The following CAPN3 variants were observed in gnomAD, a reference collection of about 807,000 sequenced individuals.
CAPN3 encodes calpain 3.
Under a neutral mutation model 114.0 loss-of-function variants are expected in CAPN3, and 88 were observed. That is an observed-to-expected ratio of 0.77 (90% CI 0.65 to 0.92). The LOEUF (loss-of-function observed/expected upper bound fraction) is 0.92, where lower values mean the gene tolerates loss of function less well. CAPN3 is among the 40% of genes least tolerant of loss of function. The pLI is 0.00. For synonymous variants in CAPN3, 386 were observed against 382.9 expected (o/e 1.01, Z -0.09); for missense variants, 1,028 against 1,069.0 (o/e 0.96, Z 0.53).
intron 10 of CAPN3, among the ~76,000 whole-genome samples, chr15:42,401,371 G>T (rs1422610426): frequency 6.6e-6 from 1 of 151,302 alleles, no homozygotes; most frequent in African/African-American, 2.4e-5. Context: ...TAAGGGGCAG[G>T]TAAGGAAAAC....
rs1414556644 is a variant in CAPN3 at position 42,402,884 on chromosome 15, G to A, written c.1627G>A (p.Val543Met). The change falls in exon 13 of 24, where the codon GTG (valine) becomes ATG (methionine). Residue 543 changes from valine to methionine, a missense_variant. Transcript: ENST00000397163. ...CAAAACCTACATCAACATGCGGGAG[G>A]TGTCCCAGCGCTTCCGCCTGCCTCC... Reference protein sequence around the residue: ...RSKTYINMREVSQRFRLPPSE... With the variant: ...RSKTYINMREMSQRFRLPPSE... 6.2e-7 allele frequency: 1 copy of A among 1,614,022 alleles called. No individual in the cohort carries two copies. The highest frequency in any genetic ancestry group is 8.5e-7 in the Non-Finnish European group (1 of 1,180,006).
At chr15:42,409,175 C>G (rs978429466) in intron 16 of CAPN3, 128 bp from the exon 17 acceptor site, 1 of 780,586 alleles carries the variant, frequency 1.3e-6, no homozygotes, top group Non-Finnish European at 2.2e-6. Context: ...CTGCATTTGC[C>G]CGTCCCCAGC....
chr15:42,397,175 C>T (rs1298559261), intron 9 of CAPN3, among the ~76,000 whole-genome samples: 1 of 152,198 alleles, frequency 6.6e-6, no homozygotes, highest in African/African-American at 2.4e-5. Context: ...CTTTTCTGAG[C>T]CTAGGAAGCT....
rs863224965 is a variant in CAPN3 at position 42,388,934 on chromosome 15, TGGTTCCTACGAAGCTCTGAAA to T, written c.643_663del (p.Ser215_Gly221del). On this transcript the variant is annotated inframe_deletion, in exon 5 of 24. Coordinates refer to ENST00000397163, the MANE Select transcript of CAPN3 (RefSeq NM_000070.3). ...TCTTCATCCTCTCTCTAAGGCTCCA[TGGTTCCTACGAAGCTCTGAAA>T]GGTGGGAACACCACAGAGGCCATGG... is the stretch of plus-strand genomic sequence containing the variant. 19 of 1,613,852 alleles carry T rather than the reference TGGTTCCTACGAAGCTCTGAAA, an allele frequency of 1.2e-5. No individual in the cohort carries two copies. Among genetic ancestry groups the T allele is most frequent in the Admixed American group, 1.7e-5 (1 of 59,996 alleles).
In CAPN3 at chr15:42,389,050, TGAA is replaced by T. The variant is rs794727697; in HGVS notation, c.759_761del (p.Lys254del). ...GCTCCTAGTGACATGTACAAGATCA[TGAA>T]GAAAGCCATCGAGAGAGGCTCCCTC... On this transcript the variant is annotated inframe_deletion, in exon 5 of 24. Transcript: ENST00000397163. The T allele has an allele frequency of 6.2e-5, 100 of 1,613,988 alleles. No homozygotes were observed. Among genetic ancestry groups the T allele is most frequent in the Non-Finnish European group, 7.7e-5 (91 of 1,180,024 alleles).
intron 6 of CAPN3, among the ~76,000 whole-genome samples, chr15:42,390,796 T>G (rs565177380): frequency 6.6e-5 from 10 of 150,396 alleles, no homozygotes; most frequent in East Asian, 3.9e-4. Context: ...TTTTGTTTTT[T>G]TTTTTTTTTT....
intron 1 of CAPN3, among the ~76,000 whole-genome samples, chr15:42,378,402 A>G (rs2053147841): frequency 6.6e-6 from 1 of 152,236 alleles, no homozygotes; most frequent in African/African-American, 2.4e-5. Context: ...ACTTTATGCA[A>G]ACCTCTAGGC....
chr15:42,400,499 G>A (rs1037322532), intron 10 of CAPN3, among the ~76,000 whole-genome samples: 1 of 152,046 alleles, frequency 6.6e-6, no homozygotes, highest in African/African-American at 2.4e-5. Context: ...GGGAGGCAGA[G>A]CCAGGAGGAT....
intron 7 of CAPN3, 105 bp from the exon 8 acceptor site, chr15:42,394,151 C>T (rs1434679763): frequency 4.9e-6 from 5 of 1,025,302 alleles, no homozygotes; most frequent in Non-Finnish European, 7.5e-6. Flanking sequence ...AGAACACCCT[C>T]GCGTAAGAGA....
In CAPN3 at chr15:42,394,253, A is replaced by C. The variant is rs1369262342; in HGVS notation, c.1030-3A>C. 2 of 1,555,352 alleles carry C rather than the reference A, an allele frequency of 1.3e-6. No individual in the cohort carries two copies. The highest frequency in any genetic ancestry group is 1.9e-5 in the Admixed American group (1 of 51,378). On this transcript the variant is annotated splice_polypyrimidine_tract_variant and splice_region_variant and intron_variant, in intron 7 of 23. Transcript: ENST00000397163. ...GCATGAGAGCTCTTTCTGTGTGCTT[A>C]AGGTCCCGTTCAAAGGTGAGAAAGT...
chr15:42,397,861 A>C (rs2053746072), intron 9 of CAPN3, among the ~76,000 whole-genome samples: 1 of 151,896 alleles, frequency 6.6e-6, no homozygotes, highest in Admixed American at 6.6e-5. Context: ...AACTCTACAA[A>C]AAATTTTAAA....
chr15:42,410,678 G>T lies in CAPN3; in HGVS notation c.2263+12G>T, dbSNP rs747720461. 1.9e-6 allele frequency: 3 copies of T among 1,611,104 alleles called. No homozygotes were observed. Among genetic ancestry groups the T allele is most frequent in the Non-Finnish European group, 2.5e-6 (3 of 1,177,592 alleles). On this transcript the variant is annotated intron_variant, in intron 21 of 23. Transcript: ENST00000397163. ...AGTCAACGACGCAGGTGCTGAGAAG[G>T]AAGGGGTGGCAGGGATGTGGACCCG...
chr15:42,410,548 T>G lies in CAPN3; in HGVS notation c.2185-40T>G, dbSNP rs780488403. The G allele has an allele frequency of 1.7e-5, 28 of 1,611,466 alleles. No individual in the cohort carries two copies. The South Asian group carries it at 2.9e-4, about 16-fold the overall frequency. On this transcript the variant is annotated intron_variant, in intron 20 of 23. Transcript: ENST00000397163. Reference sequence around the variant, plus strand: ...GTCAAGAATGGGGTTGATTTGGAGATTCAGTGTGTGACCTCCATCCTCAAA... The same window carrying G: ...GTCAAGAATGGGGTTGATTTGGAGAGTCAGTGTGTGACCTCCATCCTCAAA...
chr15:42,387,923 G>A (rs1271963121), intron 4 of CAPN3, 37 bp downstream of exon 4: 1 of 1,614,010 alleles, frequency 6.2e-7, no homozygotes, highest in Non-Finnish European at 8.5e-7. Flanking sequence ...GGGGCTAGAG[G>A]TGAGAAAGTG....
chr15:42,409,321 G>T lies in CAPN3; in HGVS notation c.1933G>T (p.Asp645Tyr). Residue 645 changes from aspartate (D) to tyrosine (Y), a missense_variant, in exon 17 of 24, where the codon GAT (aspartate) becomes TAT (tyrosine). Asp to Tyr is a radical substitution (Grantham distance 160). Coordinates refer to ENST00000397163, the MANE Select transcript of CAPN3 (RefSeq NM_000070.3). ...QSPQPQPGSS[D>Y]QESEEQQQFR... Reference sequence around the variant, plus strand: ...TCCACAGCCACAGCCTGGCAGCTCTGATCAGGAAAGTGAGGAACAGCAACA... The same window carrying T: ...TCCACAGCCACAGCCTGGCAGCTCTTATCAGGAAAGTGAGGAACAGCAACA... 3 of 1,614,178 alleles carry T rather than the reference G, an allele frequency of 1.9e-6. No homozygotes were observed. The highest frequency in any genetic ancestry group is 2.5e-6 in the Non-Finnish European group (3 of 1,180,024).
chr15:42,406,083 T>G, intron 15 of CAPN3, 140 bp downstream of exon 15: 1 of 805,330 alleles, frequency 1.2e-6, no homozygotes, highest in Non-Finnish European at 2.2e-6. Flanking sequence ...GAGCTTCTGC[T>G]GGGGCCGAGC....
In CAPN3 at chr15:42,359,648, A is replaced by G; in HGVS notation, c.-158A>G. On this transcript the variant is annotated 5_prime_UTR_variant, in exon 1 of 24. Coordinates refer to ENST00000397163, the MANE Select transcript of CAPN3 (RefSeq NM_000070.3). ...GGTTTTTAAGATGGACATAACCTGT[A>G]CGACCTTCTGATGGGCTTTCAACTT... The G allele has an allele frequency of 1.3e-6, 2 of 1,487,876 alleles. No individual in the cohort carries two copies. The highest frequency in any genetic ancestry group is 2.5e-4 in the Middle Eastern group (1 of 3,980). 92.2% of individuals were successfully genotyped at this position (1,487,876 alleles called of 1,614,324 possible). A position where few individuals can be genotyped will look rare whatever the true frequency, so the allele number is the denominator to read the frequency against.
rs1375401080 is a variant in CAPN3, at chr15:42,412,259, T to C, written c.*486T>C. 2 of 1,376,956 alleles carry C rather than the reference T, an allele frequency of 1.5e-6. No individual in the cohort carries two copies. The highest frequency in any genetic ancestry group is 2.0e-6 in the Non-Finnish European group (2 of 1,010,404). 85.3% of individuals were successfully genotyped at this position (1,376,956 alleles called of 1,614,324 possible). A position where few individuals can be genotyped will look rare whatever the true frequency, so the allele number is the denominator to read the frequency against. ...TGGTTACTTTGGGCTGTCCAACTCA[T>C]AAGTTTGGCTGCATTTTGAAAAAAG... On this transcript the variant is annotated 3_prime_UTR_variant, in exon 24 of 24. Coordinates refer to ENST00000397163, the MANE Select transcript of CAPN3 (RefSeq NM_000070.3).
intron 8 of CAPN3, among the ~76,000 whole-genome samples, 170 bp from the exon 9 acceptor site, chr15:42,396,630 A>ATG (rs1435669006): frequency 2.0e-5 from 3 of 152,184 alleles, no homozygotes; most frequent in Non-Finnish European, 2.9e-5. Flanking sequence ...AGTCTTGAGG[A>ATG]TGTGAGAAGT....
Sources: allele counts gnomAD v4.1 joint callset (sites outside exome capture counted in the v4.1 genomes callset), GRCh38; gene constraint gnomAD v4.1.1; transcripts MANE v1.5; gene names NCBI Gene and HGNC (gene_info 2026-07-23, HGNC 2026-07-21).